ZDHHC1: variants seen among roughly 807,000 people sequenced by gnomAD.
ZDHHC1 encodes the protein zDHHC palmitoyltransferase 1, also known as palmitoyltransferase ZDHHC1.
ZDHHC1 carries 45 observed loss-of-function variants against 46.9 expected under a neutral mutation model. That is an observed-to-expected ratio of 0.96 (90% CI 0.76 to 1.23). The LOEUF (loss-of-function observed/expected upper bound fraction) is 1.23, where lower values mean the gene tolerates loss of function less well. Ranked by LOEUF, ZDHHC1 falls within the 50% of genes most tolerant of loss-of-function variation. ZDHHC1 has a pLI of 0.00. For synonymous variants in ZDHHC1, 291 were observed against 286.0 expected, an observed-to-expected ratio of 1.02 and a Z score of -0.18; for missense variants, 649 against 670.8, an observed-to-expected ratio of 0.97 and a Z score of 0.36.
chr16:67,400,801 T>C (rs2040536714), intron 4 of ZDHHC1, among the ~76,000 whole-genome samples, 156 bp downstream of exon 4: 2 of 152,160 alleles, frequency 1.3e-5, no homozygotes, highest in Non-Finnish European at 2.9e-5. Flanking sequence ...CCTCACCTTC[T>C]CAGTAACCCA....
intron 8 of ZDHHC1, among the ~76,000 whole-genome samples, chr16:67,397,187 CAAAGCCTTGGCAGCGCAGG>C (rs1457625115): frequency 2.0e-5 from 3 of 152,234 alleles, no homozygotes; most frequent in Non-Finnish European, 4.4e-5. Context: ...CATTTGGCCC[CAAAGCCTTGGCAGCGCAGG>C]GCCAAAGAGC....
intron 1 of ZDHHC1, among the ~76,000 whole-genome samples, chr16:67,408,117 T>TA (rs914367899): frequency 2.2e-4 from 34 of 152,276 alleles, no homozygotes; most frequent in African/African-American, 7.5e-4. Flanking sequence ...ATGGAGGACT[T>TA]AGTTTTCCCC....
At chr16:67,400,927 C>T (rs200334414) in intron 4 of ZDHHC1, 30 bp downstream of exon 4, 47 of 1,606,340 alleles carry the variant, frequency 2.9e-5, no homozygotes, top group Admixed American at 6.7e-5. Context: ...ACAGCACACT[C>T]GGCAGCCACA....
chr16:67,405,976 C>G (rs2040647044), intron 3 of ZDHHC1, among the ~76,000 whole-genome samples: 2 of 152,176 alleles, frequency 1.3e-5, no homozygotes, highest in Non-Finnish European at 2.9e-5. Context: ...GCTTCATATG[C>G]TCCTAGGTAT....
intron 1 of ZDHHC1, among the ~76,000 whole-genome samples, chr16:67,411,372 A>G (rs1355908268): frequency 6.6e-6 from 1 of 152,160 alleles, no homozygotes; most frequent in Non-Finnish European, 1.5e-5. Context: ...CGCAGGTGGG[A>G]TCAAAGGAAG....
chr16:67,401,014 C>T lies in ZDHHC1; in HGVS notation c.371G>A (p.Arg124Gln), dbSNP rs34229857. 0.024 allele frequency: 39,185 copies of T among 1,614,112 alleles called. 556 individuals carry two copies. The highest frequency in any genetic ancestry group is 0.029 in the Non-Finnish European group (33,937 of 1,180,020). ...TTCAATGACATGTGCGTGCTGGCTT[C>T]GGTTGAAGATGGGCAGGGGCCCCGC... is the stretch of plus-strand genomic sequence containing the variant. ...SYAGPLPIFN[R>Q]SQHAHVIEDL... The change falls in exon 4 of 12, where the codon CGA becomes CAA. Residue 124 changes from arginine (R) to glutamine (Q), a missense_variant. Arg to Gln is a conservative substitution (Grantham distance 43). Transcript: ENST00000565726. The surrounding 1 kb of genome is among the most constrained non-coding windows in gnomAD (Gnocchi z 4.6).
At chr16:67,405,261 A>T (rs1461399686) in intron 3 of ZDHHC1, among the ~76,000 whole-genome samples, 1 of 152,196 alleles carries the variant, frequency 6.6e-6, no homozygotes, top group Non-Finnish European at 1.5e-5. Context: ...GCTCACATAT[A>T]TCCTAAGTGC....
Position 67,395,552 on chromosome 16 carries a change from G to A in ZDHHC1, c.942C>T (p.Tyr314=). ...GGCGCATATGTCTGAAGGTCCGCAT[G>A]TAGAACTCCATCTCCTGGGGAAGGT... The part of the protein sequence containing the change: ...KMRPIQEMEF[Y]MRTFRHMRPE... Residue 314 remains tyrosine (Y), a synonymous_variant, in exon 9 of 12, where the codon TAC becomes TAT. Transcript: ENST00000565726. 3 of 1,553,946 alleles carry A rather than the reference G, an allele frequency of 1.9e-6. No individual in the cohort carries two copies. Among genetic ancestry groups the A allele is most frequent in the South Asian group, 1.2e-5 (1 of 84,202 alleles).
intron 3 of ZDHHC1, among the ~76,000 whole-genome samples, chr16:67,405,245 T>A (rs948250126): frequency 5.3e-5 from 8 of 152,174 alleles, no homozygotes; most frequent in African/African-American, 1.9e-4. Context: ...CTTAATGAAT[T>A]CTAGTGCTCA....
chr16:67,402,503 G>C (rs183268791), intron 3 of ZDHHC1, among the ~76,000 whole-genome samples: 1 of 152,146 alleles, frequency 6.6e-6, no homozygotes, highest in Admixed American at 6.5e-5. Flanking sequence ...CTCTTCTCCC[G>C]CCTCACCCCC....
intron 1 of ZDHHC1, among the ~76,000 whole-genome samples, chr16:67,411,679 C>T (rs930215161): frequency 6.6e-6 from 1 of 151,922 alleles, no homozygotes; most frequent in African/African-American, 2.4e-5. Flanking sequence ...TAAACTATGG[C>T]ACATCCATAC....
rs2142216258 is a variant in ZDHHC1 at position 67,394,603 on chromosome 16, G to C, written c.*7C>G. The C allele has an allele frequency of 4.2e-6, 5 of 1,176,508 alleles. No individual in the cohort carries two copies. Among genetic ancestry groups the C allele is most frequent in the East Asian group, 8.1e-5 (2 of 24,628 alleles). 72.9% of individuals were successfully genotyped at this position (1,176,508 alleles called of 1,614,324 possible). ...CTCTAACTCGGCCCTCCGGCCTCTC[G>C]GCCCAGCTAAGCCAGACCAGCCTCC... On this transcript the variant is annotated 3_prime_UTR_variant, in exon 12 of 12. Transcript: ENST00000565726.
At position 67,399,453 on chromosome 16, in the gene ZDHHC1, GCT is replaced by G; in HGVS notation, c.430_431del (p.Ser144ArgfsTer74). The G allele has an allele frequency of 3.1e-6, 5 of 1,609,850 alleles. No individual in the cohort carries two copies. The highest frequency in any genetic ancestry group is 4.2e-6 in the Non-Finnish European group (5 of 1,177,660). On this transcript the variant is annotated frameshift_variant and splice_region_variant, in exon 5 of 12. Coordinates refer to ENST00000565726, the MANE Select transcript of ZDHHC1 (RefSeq NM_001323627.2). LOFTEE classifies it high-confidence loss of function. ...LHCNLCNVDV[S>X]ARSKHCSACN... The stretch of plus-strand genomic sequence containing the variant: ...AGGCGCTGCAGTGCTTGGAGCGAGC[GCT>G]CCTGCAGGGAGAGGGGGCACAGCGC...
intron 3 of ZDHHC1, among the ~76,000 whole-genome samples, chr16:67,403,811 C>T (rs753854410): frequency 2.0e-5 from 3 of 151,976 alleles, no homozygotes; most frequent in Non-Finnish European, 2.9e-5. Flanking sequence ...GATGGAGTTT[C>T]GCATGTTGGC....
At chr16:67,398,177 C>T (rs944509961) in intron 8 of ZDHHC1, 35 bp downstream of exon 8, 2 of 1,597,608 alleles carry the variant, frequency 1.3e-6, no homozygotes, top group African/African-American at 1.3e-5. Context: ...ACACCCCCCA[C>T]ACCCAGGCCC....
Position 67,394,890 on chromosome 16 carries a change from G to A in ZDHHC1, c.1169C>T (p.Pro390Leu). Reference protein sequence around the residue: ...TSETSDPASGPRAPSRRSSSS... With the variant: ...TSETSDPASGLRAPSRRSSSS... ...GCTGGAGCGGCGGCTGGGGGCCCTA[G>A]GCCCTGCGCAAGGGAAGGGAACATG... Residue 390 changes from proline to leucine, a missense_variant, in exon 12 of 12, where the codon CCT (proline) becomes CTT (leucine). By Grantham distance (98) the Pro-to-Leu change is moderately conservative. Coordinates refer to ENST00000565726, the MANE Select transcript of ZDHHC1 (RefSeq NM_001323627.2). The A allele has an allele frequency of 6.4e-7, 1 of 1,561,580 alleles. No homozygotes were observed. Among genetic ancestry groups the A allele is most frequent in the African/African-American group, 1.4e-5 (1 of 73,734 alleles).
At chr16:67,404,956 C>T (rs570580070) in intron 3 of ZDHHC1, among the ~76,000 whole-genome samples, 5 of 152,306 alleles carry the variant, frequency 3.3e-5, no homozygotes, top group African/African-American at 7.2e-5. Context: ...TAGTGAGGGG[C>T]GTGTCCATTC....
At chr16:67,397,930 T>C (rs992983277) in intron 8 of ZDHHC1, among the ~76,000 whole-genome samples, 2 of 152,354 alleles carry the variant, frequency 1.3e-5, no homozygotes, top group Non-Finnish European at 2.9e-5. Context: ...TCTCTCCTGC[T>C]GCAGCCCCAA....
At chr16:67,408,478 C>CTTTGT (rs755048999) in intron 1 of ZDHHC1, among the ~76,000 whole-genome samples, 5 of 150,666 alleles carry the variant, frequency 3.3e-5, no homozygotes, top group African/African-American at 1.2e-4. Flanking sequence ...CCCGGCCTTG[C>CTTTGT]TTTGTTTTGT....
Sources: allele counts gnomAD v4.1 joint callset (sites outside exome capture counted in the v4.1 genomes callset), GRCh38; gene constraint gnomAD v4.1.1; non-coding constraint Gnocchi (gnomAD v3.1); transcripts MANE v1.5; gene names NCBI Gene and HGNC (gene_info 2026-07-23, HGNC 2026-07-21).